Variants in SIGLEC10 observed in about 807,000 individuals in gnomAD.
SIGLEC10 encodes sialic acid-binding Ig-like lectin 10.
In SIGLEC10, 45 loss-of-function variants were observed where a neutral mutation model predicts 68.3. The observed-to-expected ratio is 0.66, with a 90% CI of 0.52 to 0.84. The LOEUF (loss-of-function observed/expected upper bound fraction) is 0.84, where lower values mean the gene tolerates loss of function less well. SIGLEC10 is among the 40% of genes least tolerant of loss of function. The pLI, the probability that SIGLEC10 is intolerant of heterozygous loss-of-function variation, is 0.00. For synonymous variants in SIGLEC10, 379 were observed against 370.8 expected, an observed-to-expected ratio of 1.02 and a Z score of -0.26; for missense variants, 789 against 883.1, an observed-to-expected ratio of 0.89 and a Z score of 1.35.
chr19:51,415,739 C>T (rs1988553025), intron 5 of SIGLEC10, 124 bp from the exon 6 acceptor site: 1 of 1,578,652 alleles, frequency 6.3e-7, no homozygotes, highest in South Asian at 1.1e-5. Context: ...GAATCACCCA[C>T]TGAGTCCCAG....
chr19:51,417,374 G>A lies in SIGLEC10; in HGVS notation c.129C>T (p.Phe43=). Residue 43 remains phenylalanine (F), a synonymous_variant, in exon 2 of 11, where the codon TTC becomes TTT. Transcript: ENST00000339313. The part of the protein sequence containing the change: ...EGLCISVPCS[F]SYPRQDWTGS... ...CTGTCCAGTCCTGTCGGGGGTAGGAGAAAGAGCAGGGCACAGAGATGCACA... is the reference window on the plus strand; with the variant it reads ...CTGTCCAGTCCTGTCGGGGGTAGGAAAAAGAGCAGGGCACAGAGATGCACA... 6.2e-7 allele frequency: 1 copy of A among 1,614,216 alleles called. No individual in the cohort carries two copies. Among genetic ancestry groups the A allele is most frequent in the South Asian group, 1.1e-5 (1 of 91,088 alleles).
chr19:51,417,527 G>C lies in SIGLEC10; in HGVS notation c.37+18C>G. ...CCTAGCTCCGCCCCAGGTCCTTTCC[G>C]GCCCTTGGCCCACTCACCGCCCAGC... On this transcript the variant is annotated intron_variant, in intron 1 of 10. Transcript: ENST00000339313. 1.2e-6 allele frequency: 2 copies of C among 1,614,202 alleles called. No homozygotes were observed. The highest frequency in any genetic ancestry group is 4.5e-5 in the East Asian group (2 of 44,882).
chr19:51,415,434 C>T lies in SIGLEC10; in HGVS notation c.1077G>A (p.Leu359=), dbSNP rs991868820. Residue 359 remains leucine (L), a synonymous_variant, in exon 7 of 11, where the codon CTG becomes CTA. Coordinates refer to ENST00000339313, the MANE Select transcript of SIGLEC10 (RefSeq NM_033130.5). ...GAGACGTGCCGTTCCCAAGGTTTTC[C>T]AGGACTAGGGAAGGAAGAGGCAGAA... ...VMVSQANRTV[L]ENLGNGTSLP... is the part of the protein sequence containing the mutation. The T allele has an allele frequency of 7.5e-6, 12 of 1,605,190 alleles. No homozygotes were observed. In the Admixed American group the frequency reaches 1.2e-4, roughly 16 times the overall value.
At position 51,415,689 on chromosome 19, in the gene SIGLEC10, A is replaced by G. The variant is rs567052776; in HGVS notation, c.1025-74T>C. 4.7e-5 allele frequency: 75 copies of G among 1,610,140 alleles called. No individual in the cohort carries two copies. The South Asian group carries it at 7.4e-4, about 16-fold the overall frequency. ...CTGGGTAAAGGGAACCATCCTGGACACTGAGGTGGGGGAAGTGGGTGGGAT... is the reference window on the plus strand; with the variant it reads ...CTGGGTAAAGGGAACCATCCTGGACGCTGAGGTGGGGGAAGTGGGTGGGAT... On this transcript the variant is annotated intron_variant, in intron 5 of 10. Transcript: ENST00000339313.
rs757110631 is a variant in SIGLEC10 at position 51,415,482 on chromosome 19, G to C, written c.1073-44C>G. The C allele has an allele frequency of 7.4e-6, 12 of 1,613,328 alleles. No homozygotes were observed. In the East Asian group the frequency reaches 1.8e-4, roughly 24 times the overall value. The stretch of plus-strand genomic sequence containing the variant: ...GAATCGATGAGCAGCTCAGGGCTCA[G>C]GGACCCTCCTGCGTGGGGACCCTCC... On this transcript the variant is annotated intron_variant, in intron 6 of 10. Transcript: ENST00000339313.
In SIGLEC10 at chr19:51,411,035, T is replaced by C. The variant is rs1280395978; in HGVS notation, c.*64A>G. ...GAGAAGGAAACTTTGCACTCTGTTATCTTCAACCTCTTACTCTACCTTCCT... is the reference window on the plus strand; with the variant it reads ...GAGAAGGAAACTTTGCACTCTGTTACCTTCAACCTCTTACTCTACCTTCCT... On this transcript the variant is annotated 3_prime_UTR_variant, in exon 11 of 11. Transcript: ENST00000339313. The C allele has an allele frequency of 2.5e-5, 38 of 1,539,408 alleles. No individual in the cohort carries two copies. Among genetic ancestry groups the C allele is most frequent in the Non-Finnish European group, 3.1e-5 (35 of 1,139,020 alleles).
chr19:51,411,478 C>G, intron 10 of SIGLEC10, 107 bp from the exon 11 acceptor site: 1 of 1,406,614 alleles, frequency 7.1e-7, no homozygotes, highest in Non-Finnish European at 9.6e-7. Context: ...AGTCCCTGCC[C>G]TTGCCTTGCT....
intron 7 of SIGLEC10, 30 bp from the exon 8 acceptor site, chr19:51,415,138 G>C: frequency 6.3e-7 from 1 of 1,577,480 alleles, no homozygotes; most frequent in East Asian, 2.2e-5. Context: ...GACTCAGCAG[G>C]GTCCCCTTCC....
rs747519469 is a variant in SIGLEC10 at position 51,411,210 on chromosome 19, GCT to G, written c.1981_1982del (p.Ser661ProfsTer19). ...GCGTGGCATAATGGAGCTCCTCTTG[GCT>G]CTCCTGGGATTCTGGGGCTTGAGTG... ...SSTQAPESQE[S>X]QEELHYATLN... On this transcript the variant is annotated frameshift_variant, in exon 11 of 11. Coordinates refer to ENST00000339313, the MANE Select transcript of SIGLEC10 (RefSeq NM_033130.5). LOFTEE classifies it low-confidence loss of function (END_TRUNC). 2.3e-4 allele frequency: 372 copies of G among 1,614,170 alleles called. No homozygotes were observed. Among genetic ancestry groups the G allele is most frequent in the Non-Finnish European group, 2.1e-4 (245 of 1,180,032 alleles).
chr19:51,414,753 C>A lies in SIGLEC10; in HGVS notation c.1615+71G>T, dbSNP rs529916271. Reference sequence around the variant, plus strand: ...GTGTCCCTCCAAGCTCCTGCTCCAACCACAGGACCCTACTCTTTGCCCCAG... The same window carrying A: ...GTGTCCCTCCAAGCTCCTGCTCCAAACACAGGACCCTACTCTTTGCCCCAG... On this transcript the variant is annotated intron_variant, in intron 8 of 10. Coordinates refer to ENST00000339313, the MANE Select transcript of SIGLEC10 (RefSeq NM_033130.5). The surrounding 1 kb of genome is among the most constrained non-coding windows in gnomAD (Gnocchi z 4.1). 6.3e-7 allele frequency: 1 copy of A among 1,599,386 alleles called. No homozygotes were observed. Among genetic ancestry groups the A allele is most frequent in the East Asian group, 2.2e-5 (1 of 44,824 alleles).
At position 51,411,171 on chromosome 19, in the gene SIGLEC10, G is replaced by A. The variant is rs749908326; in HGVS notation, c.2022C>T (p.Gly674=). 23 of 1,614,074 alleles carry A rather than the reference G, an allele frequency of 1.4e-5. No individual in the cohort carries two copies. The highest frequency in any genetic ancestry group is 4.4e-5 in the South Asian group (4 of 91,084). ...ELHYATLNFP[G]VRPRPEARMP... is the part of the protein sequence containing the mutation. Reference sequence around the variant, plus strand: ...TCCGGGCCTCAGGCCTGGGTCTGACGCCTGGGAAGTTGAGCGTGGCATAAT... The same window carrying A: ...TCCGGGCCTCAGGCCTGGGTCTGACACCTGGGAAGTTGAGCGTGGCATAAT... The change falls in exon 11 of 11, where the codon GGC becomes GGT. Residue 674 remains glycine (G), a synonymous_variant. Coordinates refer to ENST00000339313, the MANE Select transcript of SIGLEC10 (RefSeq NM_033130.5).
chr19:51,415,698 G>C, intron 5 of SIGLEC10, 83 bp from the exon 6 acceptor site: 1 of 1,607,854 alleles, frequency 6.2e-7, no homozygotes, highest in East Asian at 2.2e-5. Context: ...CACTGAGGTG[G>C]GGGAAGTGGG....
rs1360668207 is a variant in SIGLEC10 at position 51,415,166 on chromosome 19, C to T, written c.1330+15G>A. 1.9e-6 allele frequency: 3 copies of T among 1,591,224 alleles called. No homozygotes were observed. In the South Asian group the frequency reaches 3.4e-5, roughly 18 times the overall value. On this transcript the variant is annotated intron_variant, in intron 7 of 10. Transcript: ENST00000339313. The stretch of plus-strand genomic sequence containing the variant: ...CCCCTTCCTGGGACCCAGGTGTCCC[C>T]TTTCCCCCACTCACAGTGCACGGAG...
At chr19:51,416,268 TA>T (rs1295023414) in intron 4 of SIGLEC10, 41 bp downstream of exon 4, 1 of 1,613,232 alleles carries the variant, frequency 6.2e-7, no homozygotes, top group Non-Finnish European at 8.5e-7. Context: ...CCTTTTCATC[TA>T]AAGACAACTG....
chr19:51,413,801 G>C lies in SIGLEC10; in HGVS notation c.1732C>G (p.Arg578Gly). ...LIIMKILPKRRTQTETPRPRF... is the reference protein window; with the variant it reads ...LIIMKILPKRGTQTETPRPRF... The stretch of plus-strand genomic sequence containing the variant: ...GGCCTCGGGGTTTCTGTCTGAGTCC[G>C]TCTCTTCGGTAGAATCTTCATGCTG... The change falls in exon 10 of 11, where the codon CGG (arginine) becomes GGG (glycine). Residue 578 changes from arginine (R) to glycine (G), a missense_variant. Physicochemically the swap from Arg to Gly is moderately radical, Grantham distance 125. Transcript: ENST00000339313. 1.9e-6 allele frequency: 3 copies of C among 1,614,044 alleles called. No individual in the cohort carries two copies. The highest frequency in any genetic ancestry group is 2.5e-6 in the Non-Finnish European group (3 of 1,179,974).
rs760360959 is a variant in SIGLEC10, at chr19:51,411,137, C to T, written c.2056G>A (p.Gly686Ser). The change falls in exon 11 of 11, where the codon GGC becomes AGC. Residue 686 changes from glycine (G) to serine (S), a missense_variant. Physicochemically the swap from Gly to Ser is moderately conservative, Grantham distance 56. Coordinates refer to ENST00000339313, the MANE Select transcript of SIGLEC10 (RefSeq NM_033130.5). Reference sequence around the variant, plus strand: ...ACTTCTGCATAATCCGCCTGGGTGCCCTTGGGCATCCGGGCCTCAGGCCTG... The same window carrying T: ...ACTTCTGCATAATCCGCCTGGGTGCTCTTGGGCATCCGGGCCTCAGGCCTG... ...RPRPEARMPKGTQADYAEVKF... is the reference protein window; with the variant it reads ...RPRPEARMPKSTQADYAEVKF... 1 of 1,614,138 alleles carries T rather than the reference C, an allele frequency of 6.2e-7. No homozygotes were observed. Among genetic ancestry groups the T allele is most frequent in the Non-Finnish European group, 8.5e-7 (1 of 1,180,016 alleles).
In SIGLEC10 at chr19:51,415,289, C is replaced by T. The variant is rs764681047; in HGVS notation, c.1222G>A (p.Gly408Arg). ...VLSPSQPSDPGVLELPRVQVE... is the reference protein window; with the variant it reads ...VLSPSQPSDPRVLELPRVQVE... ...TGAACCCGAGGCAGCTCCAGGACCC[C>T]GGGGTCTGAGGGCTGGGAGGGGCTC... The change falls in exon 7 of 11, where the codon GGG (glycine) becomes AGG (arginine). Residue 408 changes from glycine (G) to arginine (R), a missense_variant. Transcript: ENST00000339313. The T allele has an allele frequency of 2.2e-5, 35 of 1,613,944 alleles. No homozygotes were observed. Among genetic ancestry groups the T allele is most frequent in the African/African-American group, 2.7e-5 (2 of 74,912 alleles).
In SIGLEC10 at chr19:51,413,752, A is replaced by T. The variant is rs1349016510; in HGVS notation, c.1781T>A (p.Ile594Asn). Residue 594 changes from isoleucine to asparagine, a missense_variant, in exon 10 of 11, where the codon ATC becomes AAC. Coordinates refer to ENST00000339313, the MANE Select transcript of SIGLEC10 (RefSeq NM_033130.5). ...PRPRFSRHST[I>N]LDYINVVPTA... ...CGGGACCACATTGATGTAATCCAGGATCGTGCTGTGCCGGGAGAACCTGGG... is the reference window on the plus strand; with the variant it reads ...CGGGACCACATTGATGTAATCCAGGTTCGTGCTGTGCCGGGAGAACCTGGG... 1.2e-6 allele frequency: 2 copies of T among 1,614,012 alleles called. No individual in the cohort carries two copies. The highest frequency in any genetic ancestry group is 1.7e-6 in the Non-Finnish European group (2 of 1,180,034).
Position 51,414,379 on chromosome 19 carries a change from TG to T in SIGLEC10, c.1709+42del. On this transcript the variant is annotated intron_variant, in intron 9 of 10. Transcript: ENST00000339313. This position sits in a 1 kb window ranked among gnomAD's most constrained non-coding sequence, Gnocchi z 4.1. Reference sequence around the variant, plus strand: ...CGGCCTGCAACACCTCCCCTCTTCCTGGGTCCAGGCCCCAGACCCCGCCACG... The same window carrying T: ...CGGCCTGCAACACCTCCCCTCTTCCTGGTCCAGGCCCCAGACCCCGCCACG... The T allele has an allele frequency of 6.5e-7, 1 of 1,549,672 alleles. No homozygotes were observed. The highest frequency in any genetic ancestry group is 8.9e-7 in the Non-Finnish European group (1 of 1,129,842).
Sources: allele counts gnomAD v4.1 joint callset, GRCh38; gene constraint gnomAD v4.1.1; non-coding constraint Gnocchi (gnomAD v3.1); transcripts MANE v1.5; gene names NCBI Gene and HGNC (gene_info 2026-07-23, HGNC 2026-07-21).